LAMA3: variants seen among roughly 807,000 people sequenced by gnomAD.
LAMA3 encodes the protein laminin subunit alpha-3.
In LAMA3, 281 loss-of-function variants were observed where a neutral mutation model predicts 402.0. That is an observed-to-expected ratio of 0.70 (90% CI 0.63 to 0.77). The LOEUF (loss-of-function observed/expected upper bound fraction) is 0.77, where lower values mean the gene tolerates loss of function less well. Among genes scored for constraint, LAMA3 ranks in the 30% least tolerant of loss-of-function variants. LAMA3 has a pLI of 0.00. For missense variants in LAMA3, 3,840 were observed against 4,215.5 expected (o/e 0.91, Z 2.47); for synonymous variants, 1,431 against 1,558.4 (o/e 0.92, Z 1.93).
intron 40 of LAMA3, among the ~76,000 whole-genome samples, chr18:23,884,394 T>A (rs146887934): frequency 8.5e-5 from 13 of 152,324 alleles, no homozygotes; most frequent in African/African-American, 2.6e-4. Context: ...CGTTTTTTTT[T>A]AAAGAATCAG....
chr18:23,907,561 G>T lies in LAMA3; in HGVS notation c.6730G>T (p.Ala2244Ser), dbSNP rs117800082. The change falls in exon 53 of 75, where the codon GCT (alanine) becomes TCT (serine). Residue 2244 changes from alanine (A) to serine (S), a missense_variant. Physicochemically the swap from Ala to Ser is moderately conservative, Grantham distance 99. Coordinates refer to ENST00000313654, the MANE Select transcript of LAMA3 (RefSeq NM_198129.4). ...QKKLKQEVSP[A>S]LNNLQQTLNI... is the part of the protein sequence containing the mutation. ...TTATTTTATTTTAGAAGTCAGTCCA[G>T]CTCTCAACAACCTACAGCAAACCCT... The T allele has an allele frequency of 4.7e-5, 75 of 1,612,078 alleles. No individual in the cohort carries two copies. The East Asian group carries it at 8.0e-4, about 17-fold the overall frequency.
At chr18:23,910,288 C>A (rs183939672) in intron 55 of LAMA3, among the ~76,000 whole-genome samples, 104 of 152,292 alleles carry the variant, frequency 6.8e-4, no homozygotes, top group Middle Eastern at 6.8e-3. Context: ...TGTCTCTTTA[C>A]CTCTCTGTGC....
chr18:23,851,227 C>T (rs1165321967), intron 32 of LAMA3, among the ~76,000 whole-genome samples: 7 of 152,318 alleles, frequency 4.6e-5, no homozygotes, highest in East Asian at 1.9e-4. Context: ...ACAGTGGTGA[C>T]GGCTGTAACA....
intron 2 of LAMA3, among the ~76,000 whole-genome samples, chr18:23,742,649 AATGT>A (rs1214313655): frequency 3.4e-5 from 3 of 87,632 alleles, no homozygotes; most frequent in African/African-American, 5.9e-5. Context: ...AAGAATCAAA[AATGT>A]GTGTGTGTGT....
intron 1 of LAMA3, among the ~76,000 whole-genome samples, chr18:23,695,487 G>A (rs545182679): frequency 3.3e-5 from 5 of 152,146 alleles, no homozygotes; most frequent in Admixed American, 6.5e-5. Flanking sequence ...AATGAGAAGA[G>A]CTCTAGGCTG....
Position 23,871,515 on chromosome 18 carries a change from A to C in LAMA3, c.4852A>C (p.Ile1618Leu). ...TVLSRLADVR[I>L]QGLYFTETQR... The stretch of plus-strand genomic sequence containing the variant: ...GCTGTCTAGACTGGCAGATGTGCGC[A>C]TCCAAGGCCTCTACTTCACAGAGAC... The change falls in exon 38 of 75, where the codon ATC becomes CTC. Residue 1618 changes from isoleucine to leucine, a missense_variant. Coordinates refer to ENST00000313654, the MANE Select transcript of LAMA3 (RefSeq NM_198129.4). 1 of 1,614,232 alleles carries C rather than the reference A, an allele frequency of 6.2e-7. No homozygotes were observed. The highest frequency in any genetic ancestry group is 8.5e-7 in the Non-Finnish European group (1 of 1,180,044).
chr18:23,810,583 T>A (rs1410686391), intron 13 of LAMA3, 80 bp downstream of exon 13: 7 of 1,526,504 alleles, frequency 4.6e-6, no homozygotes, highest in Non-Finnish European at 6.3e-6. Flanking sequence ...AGCCTGCAAA[T>A]CCCCCACAGA....
At chr18:23,741,742 T>A (rs2061566853) in intron 2 of LAMA3, among the ~76,000 whole-genome samples, 1 of 152,160 alleles carries the variant, frequency 6.6e-6, no homozygotes, top group Non-Finnish European at 1.5e-5. Context: ...ATGATGGACA[T>A]CTTTTGAAGC....
chr18:23,787,401 G>T (rs559707647), intron 12 of LAMA3, among the ~76,000 whole-genome samples: 1 of 152,174 alleles, frequency 6.6e-6, no homozygotes, highest in South Asian at 2.1e-4. Flanking sequence ...AATAGCCAAA[G>T]AAATAATGGT....
chr18:23,729,122 ATGTGTGTGTGTG>A lies in LAMA3; in HGVS notation c.447+15070_447+15081del, dbSNP rs72333694. ...AGTGCATATGATGTATTGTGTGTGT[ATGTGTGTGTGTG>A]TGTGTGTGTGTGTGTGTGTTTGTGT... On this transcript the variant is annotated intron_variant, in intron 2 of 74. Transcript: ENST00000313654. Among the ~76,000 whole-genome samples the A allele has an allele frequency of 1.2e-4, 17 of 147,080 alleles. No homozygotes were observed. The South Asian group carries it at 3.0e-3, about 26-fold the overall frequency.
At chr18:23,783,443 G>A (rs1403059502) in intron 11 of LAMA3, among the ~76,000 whole-genome samples, 1 of 152,208 alleles carries the variant, frequency 6.6e-6, no homozygotes, top group Non-Finnish European at 1.5e-5. Flanking sequence ...ATGAGAAAGA[G>A]CTGGCTGTGC....
intron 1 of LAMA3, among the ~76,000 whole-genome samples, chr18:23,707,199 G>C (rs968826435): frequency 5.9e-5 from 9 of 152,188 alleles, no homozygotes; most frequent in African/African-American, 2.2e-4. Context: ...GTTGCATTCA[G>C]CTGGTGGCTA....
At chr18:23,834,269 TTCTC>T (rs1568234190) in intron 24 of LAMA3, 4 of 416,540 alleles carry the variant, frequency 9.6e-6, no homozygotes, top group Non-Finnish European at 1.8e-5. Context: ...TTTTATTTGA[TTCTC>T]TATCACTCAG....
chr18:23,943,775 A>T lies in LAMA3; in HGVS notation c.9027-13A>T. On this transcript the variant is annotated splice_polypyrimidine_tract_variant and intron_variant, in intron 68 of 74. Coordinates refer to ENST00000313654, the MANE Select transcript of LAMA3 (RefSeq NM_198129.4). ...ACACCTCTATTTCCCTTCATCGCCG[A>T]TGTTCCCAACAGGTCACAGTTTGCT... 2 of 1,613,772 alleles carry T rather than the reference A, an allele frequency of 1.2e-6. No homozygotes were observed. Among genetic ancestry groups the T allele is most frequent in the East Asian group, 2.2e-5 (1 of 44,880 alleles).
chr18:23,939,679 T>C (rs2082431031), intron 68 of LAMA3, among the ~76,000 whole-genome samples: 2 of 152,256 alleles, frequency 1.3e-5, no homozygotes, highest in Non-Finnish European at 2.9e-5. Flanking sequence ...GACATTTTTT[T>C]TCTAAAGCTG....
At chr18:23,761,746 T>G (rs774446187) in intron 7 of LAMA3, among the ~76,000 whole-genome samples, 3 of 152,160 alleles carry the variant, frequency 2.0e-5, no homozygotes, top group Non-Finnish European at 4.4e-5. Flanking sequence ...TTTGTATGTA[T>G]AAAACATGCC....
At chr18:23,747,350 T>G (rs547840777) in intron 2 of LAMA3, among the ~76,000 whole-genome samples, 1 of 152,130 alleles carries the variant, frequency 6.6e-6, no homozygotes, top group East Asian at 1.9e-4. Context: ...TCCATACTTT[T>G]GCATCATCCT....
intron 12 of LAMA3, among the ~76,000 whole-genome samples, chr18:23,792,597 C>A (rs916847686): frequency 2.6e-5 from 4 of 152,250 alleles, no homozygotes; most frequent in Admixed American, 6.5e-5. Flanking sequence ...GCAAGACAAA[C>A]CACATCCAAA....
intron 32 of LAMA3, 99 bp from the exon 33 acceptor site, chr18:23,857,745 C>A: frequency 6.8e-7 from 1 of 1,466,438 alleles, no homozygotes; most frequent in Non-Finnish European, 9.6e-7. Context: ...ATCTATTTAA[C>A]TGGCTTTGCA....
Sources: gnomAD v4.1 joint callset for allele counts (sites outside exome capture counted in the v4.1 genomes callset) on GRCh38, gnomAD v4.1.1 for gene constraint, MANE v1.5 for transcripts, NCBI Gene and HGNC (gene_info 2026-07-23, HGNC 2026-07-21) for gene names.